The following PIK3CB variants were observed in gnomAD, a reference collection of about 807,000 sequenced individuals.
The protein encoded by PIK3CB is phosphatidylinositol 4,5-bisphosphate 3-kinase catalytic subunit beta isoform.
Under a neutral mutation model 136.8 loss-of-function variants are expected in PIK3CB, and 39 were observed. The ratio of observed to expected loss-of-function variants is 0.29; its 90% CI spans 0.22 to 0.37. The LOEUF (loss-of-function observed/expected upper bound fraction) is 0.37. PIK3CB is among the 10% of genes least tolerant of loss of function. The pLI is 1.00. For missense variants in PIK3CB, 868 were observed against 1,275.4 expected (o/e 0.68, Z 4.87); for synonymous variants, 428 against 436.6 (o/e 0.98, Z 0.25).
intron 14 of PIK3CB, among the ~76,000 whole-genome samples, chr3:138,693,002 T>C (rs1247536409): frequency 1.3e-5 from 2 of 152,238 alleles, no homozygotes; most frequent in Admixed American, 1.3e-4. Context: ...TATGACAGAA[T>C]ATTACACAGT....
At chr3:138,678,225 C>T (rs2043689923) in intron 19 of PIK3CB, among the ~76,000 whole-genome samples, 1 of 151,986 alleles carries the variant, frequency 6.6e-6, no homozygotes, top group South Asian at 2.1e-4. Context: ...GAGTTTGTGA[C>T]TGTAGTGAGC....
At chr3:138,816,654 C>G (rs1342189936) in intron 1 of PIK3CB, among the ~76,000 whole-genome samples, 1 of 151,530 alleles carries the variant, frequency 6.6e-6, no homozygotes, top group Non-Finnish European at 1.5e-5. Flanking sequence ...AAAATAGAAA[C>G]CACAAGGTGA....
intron 17 of PIK3CB, 93 bp downstream of exon 17, chr3:138,684,532 T>C (rs2043842692): frequency 5.9e-6 from 5 of 842,472 alleles, no homozygotes; most frequent in Non-Finnish European, 7.1e-6. Flanking sequence ...TTCTACTTCC[T>C]GAGGCTGACA....
At chr3:138,812,429 G>A (rs1018070998) in intron 1 of PIK3CB, among the ~76,000 whole-genome samples, 1 of 151,596 alleles carries the variant, frequency 6.6e-6, no homozygotes, top group Non-Finnish European at 1.5e-5. Context: ...TAGAGATGGG[G>A]TTTCACCACA....
chr3:138,794,653 C>T (rs1235575204), intron 2 of PIK3CB, among the ~76,000 whole-genome samples: 1 of 152,130 alleles, frequency 6.6e-6, no homozygotes, highest in Non-Finnish European at 1.5e-5. Context: ...AAGAACTCTG[C>T]TAGCTGCTAG....
At chr3:138,720,443 T>C (rs1353532551) in intron 8 of PIK3CB, among the ~76,000 whole-genome samples, 1 of 152,246 alleles carries the variant, frequency 6.6e-6, no homozygotes, top group East Asian at 1.9e-4. Context: ...CAAAATTATC[T>C]GCAAGTGCCT....
intron 21 of PIK3CB, among the ~76,000 whole-genome samples, chr3:138,663,400 A>C (rs2043338263): frequency 6.6e-6 from 1 of 152,156 alleles, no homozygotes; most frequent in African/African-American, 2.4e-5. Flanking sequence ...TTTTTTTTTG[A>C]GATGGAGTTT....
At chr3:138,743,547 A>G (rs923641375) in intron 4 of PIK3CB, among the ~76,000 whole-genome samples, 14 of 151,988 alleles carry the variant, frequency 9.2e-5, no homozygotes, top group Non-Finnish European at 1.9e-4. Flanking sequence ...GAAAATTCAC[A>G]TATAACATTC....
intron 12 of PIK3CB, among the ~76,000 whole-genome samples, chr3:138,703,504 GA>G (rs1280317415): frequency 2.0e-5 from 3 of 151,050 alleles, no homozygotes; most frequent in African/African-American, 7.3e-5. Context: ...AGTCAAACTA[GA>G]AAGAGCCAAA....
intron 21 of PIK3CB, among the ~76,000 whole-genome samples, chr3:138,658,206 T>G (rs1358072667): frequency 6.6e-6 from 1 of 152,094 alleles, no homozygotes; most frequent in Non-Finnish European, 1.5e-5. Context: ...CCCAGCACTT[T>G]GGGAAGCTGA....
At chr3:138,660,270 G>A (rs937205561) in intron 21 of PIK3CB, among the ~76,000 whole-genome samples, 2 of 152,108 alleles carry the variant, frequency 1.3e-5, no homozygotes, top group African/African-American at 4.8e-5. Flanking sequence ...AACTATGCCT[G>A]CCACAAAATA....
At chr3:138,683,865 C>A in intron 17 of PIK3CB, 78 bp from the exon 18 acceptor site, 1 of 776,490 alleles carries the variant, frequency 1.3e-6, no homozygotes, top group Non-Finnish European at 2.2e-6. Context: ...ATATACTAGG[C>A]TTGGGAAAAC....
intron 1 of PIK3CB, among the ~76,000 whole-genome samples, chr3:138,817,363 A>C (rs1360672259): frequency 2.6e-5 from 4 of 151,592 alleles, no homozygotes; most frequent in South Asian, 2.1e-4. Flanking sequence ...AAAACAAAAA[A>C]AAATTAGCCG....
At chr3:138,764,563 G>A (rs191160246) in intron 2 of PIK3CB, among the ~76,000 whole-genome samples, 101 of 152,220 alleles carry the variant, frequency 6.6e-4, no homozygotes, top group Non-Finnish European at 1.2e-3. Context: ...TCAGGAGTTC[G>A]AGACCAGCAC....
intron 19 of PIK3CB, among the ~76,000 whole-genome samples, chr3:138,665,994 T>C (rs2043401961): frequency 6.6e-6 from 1 of 152,194 alleles, no homozygotes. Flanking sequence ...AAGAGGTGAC[T>C]GGGTATTTAC....
intron 1 of PIK3CB, among the ~76,000 whole-genome samples, chr3:138,802,727 C>G (rs867772093): frequency 6.6e-6 from 1 of 152,116 alleles, no homozygotes; most frequent in Admixed American, 6.6e-5. Context: ...TGTATTTACC[C>G]CAACATATCA....
chr3:138,660,569 G>T (rs2043278582), intron 21 of PIK3CB, among the ~76,000 whole-genome samples: 1 of 152,120 alleles, frequency 6.6e-6, no homozygotes, highest in South Asian at 2.1e-4. Flanking sequence ...AGGTGCTGGG[G>T]AGATACTGGT....
At chr3:138,695,408 T>G (rs1161982652) in intron 13 of PIK3CB, among the ~76,000 whole-genome samples, 1 of 152,206 alleles carries the variant, frequency 6.6e-6, no homozygotes, top group East Asian at 1.9e-4. Flanking sequence ...TGCAAGCTTG[T>G]TGGCTATCTT....
intron 4 of PIK3CB, among the ~76,000 whole-genome samples, chr3:138,746,443 G>A (rs1319160311): frequency 3.3e-5 from 5 of 152,030 alleles, no homozygotes; most frequent in Non-Finnish European, 5.9e-5. Context: ...GGCGGATCAC[G>A]AGGTCAGGAG....
Sources: gnomAD v4.1 joint callset for allele counts (sites outside exome capture counted in the v4.1 genomes callset) on GRCh38, gnomAD v4.1.1 for gene constraint, MANE v1.5 for transcripts, NCBI Gene and HGNC (gene_info 2026-07-23, HGNC 2026-07-21) for gene names.